SPG7: variants seen among roughly 807,000 people sequenced by gnomAD.
SPG7 encodes SPG7 matrix AAA peptidase subunit, paraplegin.
Under a neutral mutation model 81.9 loss-of-function variants are expected in SPG7, and 103 were observed. The observed-to-expected ratio is 1.26, with a 90% CI of 1.07 to 1.48. The LOEUF is 1.48. SPG7 is among the 40% of genes most tolerant of loss of function. The pLI is 0.00. For missense variants in SPG7, 1,241 were observed against 1,087.3 expected, an observed-to-expected ratio of 1.14 and a Z score of -1.99; for synonymous variants, 534 against 444.2, an observed-to-expected ratio of 1.20 and a Z score of -2.54.
At chr16:89,508,876 C>G (rs1250963683) in intron 1 of SPG7, 1 of 639,772 alleles carries the variant, frequency 1.6e-6, no homozygotes, top group South Asian at 1.5e-5. Flanking sequence ...GTTCTCCGCC[C>G]GTCTTCCTCG....
At chr16:89,547,794 G>A (rs1212143915) in intron 11 of SPG7, 5 of 532,292 alleles carry the variant, frequency 9.4e-6, no homozygotes, top group Non-Finnish European at 1.7e-5. Context: ...TGTATTTTTA[G>A]TAGCAATAGG....
rs190496884 is a variant in SPG7, at chr16:89,512,049, T to A, written c.287-899T>A. Among the ~76,000 whole-genome samples, 641 of 151,980 alleles carry A rather than the reference T, an allele frequency of 4.2e-3. 5 individuals are homozygous for A. The highest frequency in any genetic ancestry group is 0.015 in the African/African-American group (603 of 41,452). On this transcript the variant is annotated intron_variant, in intron 2 of 16. Coordinates refer to ENST00000645818, the MANE Select transcript of SPG7 (RefSeq NM_003119.4). ...GCCTCAGCCTCCCAAGTAGCTGGGA[T>A]TACAGGTGCCCGCCACTATGCCCGG...
intron 16 of SPG7, 125 bp from the exon 17 acceptor site, chr16:89,556,762 G>A (rs942167044): frequency 6.3e-6 from 5 of 787,456 alleles, no homozygotes; most frequent in Admixed American, 5.3e-5. Context: ...GCTTCCCTGG[G>A]AAAGTGGCCT....
In SPG7 at chr16:89,524,103, C is replaced by T. The variant is rs139742860; in HGVS notation, c.474C>T (p.Leu158=). 103 of 1,614,102 alleles carry T rather than the reference C, an allele frequency of 6.4e-5. No individual in the cohort carries two copies. In the African/African-American group the frequency reaches 1.2e-3, roughly 19 times the overall value. Residue 158 remains leucine, a synonymous_variant, in exon 4 of 17, where the codon CTC becomes CTT. Coordinates refer to ENST00000645818, the MANE Select transcript of SPG7 (RefSeq NM_003119.4). ...IAVVMSLLNA[L]STSGGSISWN... is the part of the protein sequence containing the mutation. ...TTGTCATGAGCCTCCTGAATGCTCT[C>T]AGCACCAGCGGAGGCAGCATTTCCT...
At chr16:89,548,265 G>C in intron 12 of SPG7, 152 bp downstream of exon 12, 1 of 641,726 alleles carries the variant, frequency 1.6e-6, no homozygotes, top group Non-Finnish European at 2.8e-6. Context: ...ATGTCTTTAT[G>C]ATACCTTGTA....
At chr16:89,546,364 A>G in intron 10 of SPG7, 1 of 383,758 alleles carries the variant, frequency 2.6e-6, no homozygotes, top group South Asian at 2.1e-5. Context: ...GCCATCCAAC[A>G]GTGTTCTGTT....
At chr16:89,548,631 T>G in intron 12 of SPG7, 1 of 322,740 alleles carries the variant, frequency 3.1e-6, no homozygotes, top group East Asian at 8.5e-5. Flanking sequence ...GAACGGGAGA[T>G]GAGTTTTGGT....
intron 3 of SPG7, chr16:89,520,025 C>A (rs1283445185): frequency 6.6e-6 from 1 of 152,238 alleles, no homozygotes; most frequent in Admixed American, 6.5e-5. Flanking sequence ...GGCTGCCGTC[C>A]ACGAGGTGTG....
intron 16 of SPG7, chr16:89,556,013 T>A (rs977106086): frequency 2.5e-6 from 1 of 398,574 alleles, no homozygotes; most frequent in African/African-American, 2.1e-5. Context: ...CCCATGCTCA[T>A]CACGGTTGAC....
chr16:89,525,410 T>G (rs2058247316), intron 4 of SPG7, among the ~76,000 whole-genome samples: 1 of 152,244 alleles, frequency 6.6e-6, no homozygotes, highest in Non-Finnish European at 1.5e-5. Context: ...TACAACACTA[T>G]GCTCAGCTCT....
At position 89,550,656 on chromosome 16, in the gene SPG7, G is replaced by GGGGACTCCCGCCTGTGTCTGTAGCTGAC. The variant is rs1567932009; in HGVS notation, c.1779+47_1779+48insGGGACTCCCGCCTGTGTCTGTAGCTGAC. The stretch of plus-strand genomic sequence containing the variant: ...CTCCACGGGCCTTGGCCAAAGGTGG[G>GGGGACTCCCGCCTGTGTCTGTAGCTGAC]TGGGGAGTCCCGCCTGTGTCTGTAG... On this transcript the variant is annotated intron_variant, in intron 13 of 16. Coordinates refer to ENST00000645818, the MANE Select transcript of SPG7 (RefSeq NM_003119.4). 4 of 1,289,416 alleles carry GGGGACTCCCGCCTGTGTCTGTAGCTGAC rather than the reference G, an allele frequency of 3.1e-6. No individual in the cohort carries two copies. In the African/African-American group the frequency reaches 4.4e-5, roughly 14 times the overall value. The allele number at this position is 1,289,416 out of a possible 1,614,324, so 79.9% of individuals were successfully genotyped here.
Position 89,533,659 on chromosome 16 carries a change from G to A in SPG7, c.1324+1023G>A, listed in dbSNP as rs138102257. 38 of 152,298 alleles carry A rather than the reference G, an allele frequency of 2.5e-4. 1 individual carries two copies. The highest frequency in any genetic ancestry group is 9.1e-4 in the African/African-American group (38 of 41,560). The allele number at this position is 152,298 out of a possible 1,614,324, so 9.4% of individuals were successfully genotyped here. ...TTAGAGGGCGGAGCAGAGCATCAGGGTGCTGCACTGCAGCGAGGGAGACAC... is the reference window on the plus strand; with the variant it reads ...TTAGAGGGCGGAGCAGAGCATCAGGATGCTGCACTGCAGCGAGGGAGACAC... On this transcript the variant is annotated intron_variant, in intron 9 of 16. Coordinates refer to ENST00000645818, the MANE Select transcript of SPG7 (RefSeq NM_003119.4).
chr16:89,514,071 G>T (rs73264908), intron 3 of SPG7, among the ~76,000 whole-genome samples: 4,985 of 152,208 alleles, frequency 0.033, 277 homozygotes, highest in African/African-American at 0.11. Context: ...GAGCTCTCGA[G>T]GGGAGGTCAT....
chr16:89,525,917 C>G (rs2058254110), intron 4 of SPG7, among the ~76,000 whole-genome samples: 1 of 152,194 alleles, frequency 6.6e-6, no homozygotes, highest in South Asian at 2.1e-4. Context: ...GGGCTGTGAG[C>G]TAACTTGCAG....
intron 13 of SPG7, chr16:89,552,426 G>A (rs970607769): frequency 2.6e-4 from 43 of 164,588 alleles, no homozygotes; most frequent in Admixed American, 1.9e-3. Context: ...CCATCTCGCC[G>A]CCACAATTCT....
intron 7 of SPG7, chr16:89,531,286 C>T (rs1316053353): frequency 1.6e-5 from 4 of 256,730 alleles, no homozygotes; most frequent in East Asian, 9.2e-5. Flanking sequence ...CACCTCGGGG[C>T]GCTGAGGCAG....
Position 89,532,549 on chromosome 16 carries a change from G to A in SPG7, c.1237G>A (p.Val413Met). ...CGTCTACATCGATGAGATCGACGCG[G>A]TGGGCAAGAAGCGCTCCACCACCAT... ...CIVYIDEIDA[V>M]GKKRSTTMSG... The change falls in exon 9 of 17, where the codon GTG becomes ATG. Residue 413 changes from valine to methionine, a missense_variant. Transcript: ENST00000645818. 6.2e-7 allele frequency: 1 copy of A among 1,613,780 alleles called. No homozygotes were observed.
chr16:89,552,618 T>C, intron 13 of SPG7: 1 of 352,352 alleles, frequency 2.8e-6, no homozygotes, highest in South Asian at 2.3e-5. Flanking sequence ...TTCTCATTGC[T>C]CTGAACCCTC....
intron 9 of SPG7, chr16:89,539,831 C>A (rs2058473200): frequency 6.6e-6 from 1 of 152,180 alleles, no homozygotes; most frequent in South Asian, 2.1e-4. Context: ...CACCTCAGCT[C>A]CTCAAAGTGT....
Sources: allele counts gnomAD v4.1 joint callset (sites outside exome capture counted in the v4.1 genomes callset), GRCh38; gene constraint gnomAD v4.1.1; transcripts MANE v1.5; gene names NCBI Gene and HGNC (gene_info 2026-07-23, HGNC 2026-07-21).